Variants in CDAN1 observed in about 807,000 individuals in gnomAD.
CDAN1 encodes the protein codanin-1.
Under a neutral mutation model 139.8 loss-of-function variants are expected in CDAN1, and 107 were observed. That is an observed-to-expected ratio of 0.77 (90% confidence interval 0.65 to 0.90). The LOEUF (loss-of-function observed/expected upper bound fraction) is 0.90, where lower values mean the gene tolerates loss of function less well. Among genes scored for constraint, CDAN1 ranks in the 40% least tolerant of loss-of-function variants. CDAN1 has a pLI of 0.00. For missense variants in CDAN1, 1,667 were observed against 1,575.7 expected, an observed-to-expected ratio of 1.06 and a Z score of -0.98; for synonymous variants, 776 against 660.6, an observed-to-expected ratio of 1.17 and a Z score of -2.68.
At position 42,736,358 on chromosome 15, in the gene CDAN1, G is replaced by A; in HGVS notation, c.513C>T (p.Asn171=). 3 of 1,613,942 alleles carry A rather than the reference G, an allele frequency of 1.9e-6. No homozygotes were observed. The highest frequency in any genetic ancestry group is 1.7e-6 in the Non-Finnish European group (2 of 1,180,006). Residue 171 remains asparagine, a synonymous_variant, in exon 2 of 28, where the codon AAC becomes AAT. Coordinates refer to ENST00000356231, the MANE Select transcript of CDAN1 (RefSeq NM_138477.4). ...RPSLTLSDPP[N]LSNLEEFPPV... is the part of the protein sequence containing the mutation. ...GAGGGAACTCCTCCAGGTTGCTGAG[G>A]TTTGGCGGATCAGACAGCGTGAGGC...
Position 42,736,616 on chromosome 15 carries a change from C to A in CDAN1, c.255G>T (p.Arg85Ser). ...GGCTACCCCGCGGCGGGCCTCCCGG[C>A]CTCCCTGGCAAGGCTGCCGAGGCGC... ...TPGASAALPG[R>S]PGGPPRGSRG... The change falls in exon 2 of 28, where the codon AGG becomes AGT. Residue 85 changes from arginine (R) to serine (S), a missense_variant. Coordinates refer to ENST00000356231, the MANE Select transcript of CDAN1 (RefSeq NM_138477.4). 1 of 1,507,832 alleles carries A rather than the reference C, an allele frequency of 6.6e-7. No individual in the cohort carries two copies. The highest frequency in any genetic ancestry group is 8.9e-7 in the Non-Finnish European group (1 of 1,129,488). 93.4% of individuals were successfully genotyped at this position (1,507,832 alleles called of 1,614,324 possible). A position where few individuals can be genotyped will look rare whatever the true frequency, so the allele number is the denominator to read the frequency against.
chr15:42,735,645 A>G lies in CDAN1; in HGVS notation c.808T>C (p.Cys270Arg). 6.2e-7 allele frequency: 1 copy of G among 1,614,108 alleles called. No homozygotes were observed. The highest frequency in any genetic ancestry group is 1.3e-5 in the African/African-American group (1 of 75,044). The change falls in exon 4 of 28, where the codon TGT becomes CGT. Residue 270 changes from cysteine (C) to arginine (R), a missense_variant. Physicochemically the swap from Cys to Arg is radical, Grantham distance 180. Transcript: ENST00000356231. The part of the protein sequence containing the change: ...KQLQQSPTPT[C>R]PTPELGSPLP... ...GGCGACCCCAATTCTGGGGTGGGAC[A>G]GGTGGGGGTAGGTGACTGCTGCAGC...
chr15:42,729,784 C>G lies in CDAN1; in HGVS notation c.2352+12G>C. ...GAGTTTCCCATGGCTCTGGCGGAAC[C>G]CCAGCACTCACCAAGCCATGCTCTG... is the stretch of plus-strand genomic sequence containing the variant. On this transcript the variant is annotated intron_variant, in intron 16 of 27. Coordinates refer to ENST00000356231, the MANE Select transcript of CDAN1 (RefSeq NM_138477.4). 1 of 1,611,696 alleles carries G rather than the reference C, an allele frequency of 6.2e-7. No individual in the cohort carries two copies. The highest frequency in any genetic ancestry group is 8.5e-7 in the Non-Finnish European group (1 of 1,178,258).
chr15:42,730,374 T>C (rs1437214807), intron 14 of CDAN1, among the ~76,000 whole-genome samples, 159 bp from the exon 15 acceptor site: 1 of 152,190 alleles, frequency 6.6e-6, no homozygotes, highest in Non-Finnish European at 1.5e-5. Context: ...GCATGGGGAC[T>C]GTCTCTCAGC....
chr15:42,728,396 C>G, intron 20 of CDAN1, 129 bp from the exon 21 acceptor site: 2 of 1,017,714 alleles, frequency 2.0e-6, no homozygotes, highest in Admixed American at 1.9e-5. Context: ...TTTGCCCTCC[C>G]GCCCCACCCC....
rs770414676 is a variant in CDAN1, at chr15:42,731,245, T to A, written c.1826A>T (p.Asn609Ile). The change falls in exon 12 of 28, where the codon AAT (asparagine) becomes ATT (isoleucine). Residue 609 changes from asparagine to isoleucine, a missense_variant. Around this residue, in one of 3 missense-constraint regions of CDAN1, gnomAD observed 936 missense variants for 844.1 expected, o/e 1.11. Coordinates refer to ENST00000356231, the MANE Select transcript of CDAN1 (RefSeq NM_138477.4). ...TACGTCTGACTCCCCGTCTTCATCA[T>A]TGGGCTCATGCTGGGGCAGGGCAAG... is the stretch of plus-strand genomic sequence containing the variant. ...NGLALPQHEP[N>I]DEDGESDVDW... 6 of 1,614,240 alleles carry A rather than the reference T, an allele frequency of 3.7e-6. No individual in the cohort carries two copies. The highest frequency in any genetic ancestry group is 5.1e-6 in the Non-Finnish European group (6 of 1,180,042).
At position 42,735,257 on chromosome 15, in the gene CDAN1, T is replaced by C. The variant is rs2061672092; in HGVS notation, c.1057+4A>G. 1 of 1,605,976 alleles carries C rather than the reference T, an allele frequency of 6.2e-7. No homozygotes were observed. Among genetic ancestry groups the C allele is most frequent in the Non-Finnish European group, 8.5e-7 (1 of 1,175,402 alleles). ...ATGTCTCAAAAGGAGGCTTGCTCAC[T>C]GACCTAGGACAGCTGGACTTAGTTC... On this transcript the variant is annotated splice_donor_region_variant and intron_variant, in intron 5 of 27. Coordinates refer to ENST00000356231, the MANE Select transcript of CDAN1 (RefSeq NM_138477.4).
chr15:42,729,975 C>T (rs1280521615), intron 15 of CDAN1, 90 bp from the exon 16 acceptor site: 6 of 1,219,722 alleles, frequency 4.9e-6, no homozygotes, highest in African/African-American at 1.5e-5. Context: ...TAGGCGCCAG[C>T]TTCAAAGCAG....
At position 42,737,076 on chromosome 15, in the gene CDAN1, C is replaced by T; in HGVS notation, c.27G>A (p.Leu9=). The change falls in exon 1 of 28, where the codon CTG becomes CTA. Residue 9 remains leucine (L), a synonymous_variant. Transcript: ENST00000356231. ...CGGCTGCGACCGACACCTCTTCTCG[C>T]AGCAGCGACTCCAAAACGGCCGCCA... MAAVLESL[L]REEVSVAAVV... 6.5e-7 allele frequency: 1 copy of T among 1,533,496 alleles called. No individual in the cohort carries two copies. The highest frequency in any genetic ancestry group is 8.8e-7 in the Non-Finnish European group (1 of 1,138,810). 95.0% of individuals were successfully genotyped at this position (1,533,496 alleles called of 1,614,324 possible).
chr15:42,729,173 T>TGC, intron 18 of CDAN1, 47 bp from the exon 19 acceptor site: 1 of 1,595,138 alleles, frequency 6.3e-7, no homozygotes, highest in Non-Finnish European at 8.6e-7. Context: ...AGCCTCCCTG[T>TGC]CCCCGCCCCC....
In CDAN1 at chr15:42,728,283, TG is replaced by T; in HGVS notation, c.2805-17del. 2 of 1,613,562 alleles carry T rather than the reference TG, an allele frequency of 1.2e-6. No individual in the cohort carries two copies. Among genetic ancestry groups the T allele is most frequent in the Non-Finnish European group, 1.7e-6 (2 of 1,179,606 alleles). On this transcript the variant is annotated splice_polypyrimidine_tract_variant and intron_variant, in intron 20 of 27. Coordinates refer to ENST00000356231, the MANE Select transcript of CDAN1 (RefSeq NM_138477.4). ...TTGACAGAACCTAAAAGGGGACAGA[TG>T]GGGTCAGTGATCTCTGGGTATTTCA...
At chr15:42,730,087 CT>C (rs1282663154) in intron 15 of CDAN1, 40 bp downstream of exon 15, 1 of 1,568,448 alleles carries the variant, frequency 6.4e-7, no homozygotes, top group Non-Finnish European at 8.8e-7. Context: ...CCATCTTCAG[CT>C]GTAGAACCTC....
rs12594483 is a variant in CDAN1 at position 42,729,788 on chromosome 15, G to A, written c.2352+8C>T. 0.17 allele frequency: 274,301 copies of A among 1,610,632 alleles called. 44,104 individuals carry two copies. Among genetic ancestry groups the A allele is most frequent in the African/African-American group, 0.83 (62,379 of 74,774 alleles). On this transcript the variant is annotated splice_region_variant and intron_variant, in intron 16 of 27. Coordinates refer to ENST00000356231, the MANE Select transcript of CDAN1 (RefSeq NM_138477.4). ...TTCCCATGGCTCTGGCGGAACCCCA[G>A]CACTCACCAAGCCATGCTCTGGGGC...
intron 15 of CDAN1, 116 bp from the exon 16 acceptor site, chr15:42,730,001 T>C (rs2061587758): frequency 8.1e-7 from 1 of 1,229,826 alleles, no homozygotes; most frequent in Middle Eastern, 2.6e-4. Context: ...TCTGAGATGA[T>C]GGGAATCCCC....
Position 42,724,628 on chromosome 15 carries a change from A to AGAT in CDAN1, c.3559-13_3559-12insATC. Reference sequence around the variant, plus strand: ...TCTTCAGCAAAGTCCTGGAATACATAGAAAGATGAGGGAAAAGGCAGCATG... The same window carrying AGAT: ...TCTTCAGCAAAGTCCTGGAATACATAGATGAAAGATGAGGGAAAAGGCAGCATG... On this transcript the variant is annotated splice_polypyrimidine_tract_variant and intron_variant, in intron 27 of 27. Coordinates refer to ENST00000356231, the MANE Select transcript of CDAN1 (RefSeq NM_138477.4). The AGAT allele has an allele frequency of 6.4e-7, 1 of 1,552,012 alleles. No individual in the cohort carries two copies. The highest frequency in any genetic ancestry group is 8.7e-7 in the Non-Finnish European group (1 of 1,146,918).
chr15:42,735,238 C>CA lies in CDAN1; in HGVS notation c.1057+22dup, dbSNP rs781121739. ...GGTCCCGTTTCTAGACCCCATGTCT[C>CA]AAAAGGAGGCTTGCTCACTGACCTA... On this transcript the variant is annotated intron_variant, in intron 5 of 27. Transcript: ENST00000356231. The CA allele has an allele frequency of 1.5e-5, 24 of 1,602,502 alleles. 1 individual carries two copies. The Admixed American group carries it at 3.4e-4, about 23-fold the overall frequency.
At chr15:42,734,638 C>CT (rs761696536) in intron 6 of CDAN1, among the ~76,000 whole-genome samples, 12 of 152,182 alleles carry the variant, frequency 7.9e-5, no homozygotes, top group Non-Finnish European at 1.3e-4. Flanking sequence ...ATGGGGGTCT[C>CT]TGTCACCCAG....
At position 42,725,214 on chromosome 15, in the gene CDAN1, T is replaced by C. The variant is rs1207723406; in HGVS notation, c.3488A>G (p.Glu1163Gly). 1.9e-6 allele frequency: 3 copies of C among 1,614,140 alleles called. No homozygotes were observed. The highest frequency in any genetic ancestry group is 2.5e-6 in the Non-Finnish European group (3 of 1,180,018). ...LLLFLLRELV[E>G]KGLMGRMEIE... ...CTCCATCCGTCCCATCAGACCCTTC[T>C]CCACCAGCTCCCGTAGCAAGAATAG... Residue 1163 changes from glutamate to glycine, a missense_variant, in exon 27 of 28, where the codon GAG becomes GGG. Physicochemically the swap from Glu to Gly is moderately conservative, Grantham distance 98. This residue lies in a region of CDAN1 where 936 missense variants were observed against 844.1 expected (regional missense o/e 1.11). Coordinates refer to ENST00000356231, the MANE Select transcript of CDAN1 (RefSeq NM_138477.4).
intron 23 of CDAN1, chr15:42,727,047 T>G (rs1362444132): frequency 5.1e-5 from 8 of 155,576 alleles, no homozygotes; most frequent in African/African-American, 1.9e-4. Flanking sequence ...TGTTCAGTAG[T>G]TGCACAAAAG....
Sources: gnomAD v4.1 joint callset for allele counts (sites outside exome capture counted in the v4.1 genomes callset) on GRCh38, gnomAD v4.1.1 for gene constraint, gnomAD v4.1.1 regional missense constraint, MANE v1.5 for transcripts, NCBI Gene and HGNC (gene_info 2026-07-23, HGNC 2026-07-21) for gene names.